Variants in INTS14 observed in about 807,000 individuals in gnomAD.
The protein encoded by INTS14 is UPF0464 protein C15orf44.
In INTS14, 27 loss-of-function variants were observed where a neutral mutation model predicts 56.9. The observed-to-expected ratio is 0.47, with a 90% confidence interval of 0.35 to 0.65. INTS14 has a LOEUF of 0.65. Among genes scored for constraint, INTS14 ranks in the 30% least tolerant of loss-of-function variants. The pLI is 0.00. For synonymous variants in INTS14, 207 were observed against 236.2 expected, an observed-to-expected ratio of 0.88 and a Z score of 1.13; for missense variants, 517 against 632.2, an observed-to-expected ratio of 0.82 and a Z score of 1.95.
rs865997386 is a variant in INTS14 at position 65,606,138 on chromosome 15, C to T, written c.223-902G>A. Among the ~76,000 whole-genome samples, 12 of 151,778 alleles carry T rather than the reference C, an allele frequency of 7.9e-5. No homozygotes were observed. In the South Asian group the frequency reaches 1.7e-3, roughly 21 times the overall value. On this transcript the variant is annotated intron_variant, in intron 2 of 11. Transcript: ENST00000313182. ...GGCGAGGTGGCGGGCGCCTGTACTC[C>T]CAGCTATTCGGAAGGCTGAGGCAGG...
intron 8 of INTS14, 127 bp downstream of exon 8, chr15:65,593,301 G>T: frequency 8.4e-7 from 1 of 1,185,444 alleles, no homozygotes; most frequent in Non-Finnish European, 1.2e-6. Context: ...GGTGGGAAAA[G>T]TGTGTGGCAG....
At position 65,584,900 on chromosome 15, in the gene INTS14, AGAC is replaced by A; in HGVS notation, c.1121-15_1121-13del. On this transcript the variant is annotated splice_polypyrimidine_tract_variant and intron_variant, in intron 9 of 11. Coordinates refer to ENST00000313182, the MANE Select transcript of INTS14 (RefSeq NM_001394796.1). ...GTTTTCTTTAGCATCTTAAAAGAAA[AGAC>A]ATTCTTGAAATGACATCTGGTAAAA... 6.2e-7 allele frequency: 1 copy of A among 1,601,922 alleles called. No homozygotes were observed.
chr15:65,593,324 G>A, intron 8 of INTS14, 104 bp downstream of exon 8: 1 of 1,369,202 alleles, frequency 7.3e-7, no homozygotes, highest in Non-Finnish European at 9.9e-7. Flanking sequence ...AAAGGAAAAA[G>A]GTGACAAGGA....
At chr15:65,604,519 A>G (rs2073569406) in intron 3 of INTS14, among the ~76,000 whole-genome samples, 1 of 152,246 alleles carries the variant, frequency 6.6e-6, no homozygotes, top group East Asian at 1.9e-4. Context: ...CGCCTGAGCC[A>G]GGAGTTTGAG....
intron 11 of INTS14, among the ~76,000 whole-genome samples, chr15:65,580,306 G>C (rs1003007528): frequency 6.6e-6 from 1 of 152,110 alleles, no homozygotes; most frequent in Non-Finnish European, 1.5e-5. Flanking sequence ...ACTTTCCCTA[G>C]GCCCTTTTGA....
rs1202573784 is a variant in INTS14, at chr15:65,595,645, T to A, written c.841+88A>T. 5.7e-6 allele frequency: 6 copies of A among 1,052,896 alleles called. No homozygotes were observed. The South Asian group carries it at 9.0e-5, about 16-fold the overall frequency. 65.2% of individuals were successfully genotyped at this position (1,052,896 alleles called of 1,614,324 possible). A position where few individuals can be genotyped will look rare whatever the true frequency, so the allele number is the denominator to read the frequency against. ...GTAACTATTCCTTTCCCCTAAATTC[T>A]GCAAAATGGGCTATCCTACTATCTA... is the stretch of plus-strand genomic sequence containing the variant. On this transcript the variant is annotated intron_variant, in intron 7 of 11. Transcript: ENST00000313182.
chr15:65,585,000 G>GTTAATGGATTTTC, intron 9 of INTS14, 112 bp from the exon 10 acceptor site: 1 of 881,354 alleles, frequency 1.1e-6, no homozygotes, highest in Non-Finnish European at 1.6e-6. Context: ...CTATCACTTT[G>GTTAATGGATTTTC]TTAATTAAGA....
intron 6 of INTS14, among the ~76,000 whole-genome samples, chr15:65,597,654 G>A (rs2073263662): frequency 6.6e-6 from 1 of 152,268 alleles, no homozygotes; most frequent in Admixed American, 6.5e-5. Context: ...GATTCTCCCT[G>A]CCTAGCCAAT....
chr15:65,605,262 T>A, intron 2 of INTS14, 26 bp from the exon 3 acceptor site: 1 of 1,549,470 alleles, frequency 6.5e-7, no homozygotes, highest in Non-Finnish European at 8.9e-7. Context: ...ATAAAATTGC[T>A]AGTTACTCTT....
At chr15:65,592,943 G>A (rs2073080169) in intron 8 of INTS14, among the ~76,000 whole-genome samples, 7 of 152,014 alleles carry the variant, frequency 4.6e-5, no homozygotes, top group Admixed American at 4.6e-4. Context: ...TCTAGGGGAT[G>A]ATTAAAAGAG....
At chr15:65,598,626 A>G (rs925623690) in intron 5 of INTS14, 163 bp from the exon 6 acceptor site, 3 of 863,348 alleles carry the variant, frequency 3.5e-6, no homozygotes, top group Non-Finnish European at 1.7e-6. Flanking sequence ...GGAAATTTCA[A>G]TTCTGAAAAG....
intron 3 of INTS14, among the ~76,000 whole-genome samples, chr15:65,600,987 G>A (rs897549264): frequency 6.6e-6 from 1 of 152,148 alleles, no homozygotes; most frequent in East Asian, 1.9e-4. Context: ...ATGGAATGAA[G>A]ATTCATTTCA....
chr15:65,600,735 T>C (rs1423382903), intron 3 of INTS14, among the ~76,000 whole-genome samples: 1 of 152,050 alleles, frequency 6.6e-6, no homozygotes, highest in Non-Finnish European at 1.5e-5. Flanking sequence ...GGATAAAGAA[T>C]ACTATATCTT....
chr15:65,602,256 T>C (rs1463290923), intron 3 of INTS14, among the ~76,000 whole-genome samples: 1 of 147,136 alleles, frequency 6.8e-6, no homozygotes, highest in East Asian at 2.1e-4. Flanking sequence ...TAATAATAAA[T>C]AAAAAACAAA....
At chr15:65,598,841 G>A in intron 5 of INTS14, 31 bp downstream of exon 5, 6 of 1,507,884 alleles carry the variant, frequency 4.0e-6, no homozygotes, top group Non-Finnish European at 5.5e-6. Context: ...GGATTGTAAA[G>A]AAGGCAAAAG....
intron 1 of INTS14, 23 bp downstream of exon 1, chr15:65,611,075 G>C (rs1319740439): frequency 2.6e-6 from 4 of 1,535,650 alleles, no homozygotes; most frequent in Non-Finnish European, 3.5e-6. Flanking sequence ...AGGCAGTCCC[G>C]GGCCCTCGGC....
intron 3 of INTS14, among the ~76,000 whole-genome samples, chr15:65,604,631 G>A (rs1047475441): frequency 4.0e-5 from 6 of 150,724 alleles, no homozygotes; most frequent in African/African-American, 1.2e-4. Flanking sequence ...TCAGGAGGAC[G>A]AAGTGGGAGA....
chr15:65,599,659 CCAATGGAGTTCAATGCTACAGTATATA>C, intron 4 of INTS14, 88 bp downstream of exon 4: 1 of 1,164,744 alleles, frequency 8.6e-7, no homozygotes, highest in South Asian at 2.0e-5. Context: ...TCAGCTGAAA[CCAATGGAGTTCAATGCTACAGTATATA>C]CAATATAGCA....
intron 3 of INTS14, 85 bp from the exon 4 acceptor site, chr15:65,600,014 A>ATTTT: frequency 4.2e-6 from 6 of 1,427,224 alleles, no homozygotes; most frequent in Middle Eastern, 2.3e-4. Flanking sequence ...CACTGCTAGA[A>ATTTT]AGGGGCACCA....
Sources: allele counts gnomAD v4.1 joint callset (sites outside exome capture counted in the v4.1 genomes callset), GRCh38; gene constraint gnomAD v4.1.1; transcripts MANE v1.5; gene names NCBI Gene and HGNC (gene_info 2026-07-23, HGNC 2026-07-21).